SRBD1: variants seen among roughly 807,000 people sequenced by gnomAD.
The protein encoded by SRBD1 is S1 RNA-binding domain-containing protein 1.
A neutral mutation model predicts 115.3 loss-of-function variants in SRBD1; 88 were observed. The ratio of observed to expected loss-of-function variants is 0.76; its 90% CI spans 0.64 to 0.91. The LOEUF is 0.91. Among genes scored for constraint, SRBD1 ranks in the 40% least tolerant of loss-of-function variants. The probability of loss-of-function intolerance (pLI) is 0.00; values close to 1 mark genes in which losing one functional copy is unlikely to be tolerated. For synonymous variants in SRBD1, 509 were observed against 407.7 expected, an observed-to-expected ratio of 1.25 and a Z score of -2.99; for missense variants, 1,385 against 1,177.4, an observed-to-expected ratio of 1.18 and a Z score of -2.58.
intron 14 of SRBD1, among the ~76,000 whole-genome samples, chr2:45,490,777 T>C (rs1408900289): frequency 6.6e-6 from 1 of 152,026 alleles, no homozygotes; most frequent in African/African-American, 2.4e-5. Context: ...TAATAAATAT[T>C]CCTCCAAATA....
chr2:45,580,972 C>T (rs898030846), intron 6 of SRBD1, among the ~76,000 whole-genome samples: 2 of 152,036 alleles, frequency 1.3e-5, no homozygotes, highest in East Asian at 1.9e-4. Context: ...CTTGAGCCAC[C>T]GCGCCCAGCC....
intron 14 of SRBD1, among the ~76,000 whole-genome samples, chr2:45,501,542 A>G (rs1352721154): frequency 2.6e-5 from 4 of 152,154 alleles, no homozygotes; most frequent in Non-Finnish European, 5.9e-5. Flanking sequence ...TTTCCTAGCC[A>G]AGGGAAGCTG....
chr2:45,543,518 G>C (rs927791287), intron 14 of SRBD1, among the ~76,000 whole-genome samples: 2 of 152,196 alleles, frequency 1.3e-5, no homozygotes, highest in African/African-American at 4.8e-5. Context: ...CAAGATTATA[G>C]ATTAACCTAT....
chr2:45,467,211 C>T (rs1347992856), intron 16 of SRBD1, among the ~76,000 whole-genome samples: 3 of 152,286 alleles, frequency 2.0e-5, no homozygotes, highest in African/African-American at 7.2e-5. Flanking sequence ...TGATTCTCCG[C>T]CCTGGTTGTA....
At chr2:45,561,879 C>A (rs1037890996) in intron 10 of SRBD1, among the ~76,000 whole-genome samples, 5 of 152,180 alleles carry the variant, frequency 3.3e-5, no homozygotes, top group South Asian at 2.1e-4. Flanking sequence ...TAACATGCAA[C>A]ATTTATCCCC....
At chr2:45,609,556 G>A (rs1194695423) in intron 1 of SRBD1, among the ~76,000 whole-genome samples, 1 of 152,088 alleles carries the variant, frequency 6.6e-6, no homozygotes, top group Non-Finnish European at 1.5e-5. Flanking sequence ...ATTTTTATGA[G>A]GCCTTTGAAA....
At chr2:45,398,465 C>T (rs551890291) in intron 19 of SRBD1, among the ~76,000 whole-genome samples, 1 of 152,204 alleles carries the variant, frequency 6.6e-6, no homozygotes, top group African/African-American at 2.4e-5. Flanking sequence ...AGACTGTTAC[C>T]TGCTTCTGAC....
intron 16 of SRBD1, among the ~76,000 whole-genome samples, chr2:45,453,881 T>C (rs1307370342): frequency 6.6e-6 from 1 of 152,028 alleles, no homozygotes; most frequent in Non-Finnish European, 1.5e-5. Flanking sequence ...TTTCCTCTTC[T>C]GATAAGCAAC....
chr2:45,425,421 A>C (rs920673307), intron 16 of SRBD1, among the ~76,000 whole-genome samples: 1 of 152,164 alleles, frequency 6.6e-6, no homozygotes. Flanking sequence ...TATGTGTACA[A>C]TCTAAATATC....
chr2:45,455,504 C>T (rs573301244), intron 16 of SRBD1, among the ~76,000 whole-genome samples: 2 of 151,756 alleles, frequency 1.3e-5, no homozygotes, highest in Non-Finnish European at 3.0e-5. Context: ...CATAAATGTG[C>T]GTAACTTGAC....
At chr2:45,535,363 G>C (rs1572745578) in intron 14 of SRBD1, among the ~76,000 whole-genome samples, 1 of 151,992 alleles carries the variant, frequency 6.6e-6, no homozygotes, top group East Asian at 1.9e-4. Flanking sequence ...TTATTTGTAA[G>C]AAACGCATGG....
chr2:45,579,457 T>C (rs943913465), intron 7 of SRBD1, among the ~76,000 whole-genome samples: 4 of 152,098 alleles, frequency 2.6e-5, no homozygotes, highest in Admixed American at 2.0e-4. Flanking sequence ...ACTTGGGATA[T>C]GAAGGAATTT....
chr2:45,575,896 C>G (rs13425739), intron 7 of SRBD1, among the ~76,000 whole-genome samples: 86,012 of 151,966 alleles, frequency 0.57, 25,535 homozygotes, highest in African/African-American at 0.73. Context: ...TAGTGACGGG[C>G]TTTCACTGTG....
At chr2:45,395,527 A>G (rs1667120079) in intron 19 of SRBD1, among the ~76,000 whole-genome samples, 1 of 152,230 alleles carries the variant, frequency 6.6e-6, no homozygotes, top group African/African-American at 2.4e-5. Flanking sequence ...TCACACATAT[A>G]AGCCTGAGGG....
At position 45,585,747 on chromosome 2, in the gene SRBD1, G is replaced by T; in HGVS notation, c.676C>A (p.Pro226Thr). The T allele has an allele frequency of 6.2e-7, 1 of 1,604,600 alleles. No individual in the cohort carries two copies. The change falls in exon 5 of 21, where the codon CCT (proline) becomes ACT (threonine). Residue 226 changes from proline (P) to threonine (T), a missense_variant. By Grantham distance (38) the Pro-to-Thr change is conservative. Transcript: ENST00000263736. Reference sequence around the variant, plus strand: ...CGAATGATGTTGGCACAAACCCAAGGTTCAATATTAGTTCTCTCAGATAAA... The same window carrying T: ...CGAATGATGTTGGCACAAACCCAAGTTTCAATATTAGTTCTCTCAGATAAA... ...QVLSERTNIE[P>T]WVCANIIRLF...
At chr2:45,526,960 C>T (rs989453371) in intron 14 of SRBD1, among the ~76,000 whole-genome samples, 5 of 151,932 alleles carry the variant, frequency 3.3e-5, no homozygotes, top group African/African-American at 9.6e-5. Context: ...GTACTGATAA[C>T]GTTACATGTC....
chr2:45,575,159 C>T (rs1417497932), intron 7 of SRBD1, among the ~76,000 whole-genome samples: 1 of 152,180 alleles, frequency 6.6e-6, no homozygotes, highest in Non-Finnish European at 1.5e-5. Flanking sequence ...GACACTACTC[C>T]ATTTGTTTAA....
intron 19 of SRBD1, among the ~76,000 whole-genome samples, chr2:45,407,131 T>C (rs1667459710): frequency 1.3e-5 from 2 of 152,188 alleles, no homozygotes; most frequent in South Asian, 4.1e-4. Flanking sequence ...TCAGAGACTC[T>C]GTATACCTGA....
At chr2:45,417,527 G>C (rs1667868338) in intron 18 of SRBD1, among the ~76,000 whole-genome samples, 1 of 152,078 alleles carries the variant, frequency 6.6e-6, no homozygotes, top group Non-Finnish European at 1.5e-5. Context: ...CCAGAAGAAA[G>C]GTTATCTTCC....
Sources: gnomAD v4.1 joint callset for allele counts (sites outside exome capture counted in the v4.1 genomes callset) on GRCh38, gnomAD v4.1.1 for gene constraint, MANE v1.5 for transcripts, NCBI Gene and HGNC (gene_info 2026-07-23, HGNC 2026-07-21) for gene names.